Variants in COLEC11 observed in about 807,000 individuals in gnomAD.
COLEC11 encodes the protein collectin subfamily member 11.
COLEC11 carries 20 observed loss-of-function variants against 27.3 expected under a neutral mutation model. The ratio of observed to expected loss-of-function variants is 0.73; its 90% CI spans 0.51 to 1.06. The LOEUF (loss-of-function observed/expected upper bound fraction) is 1.06. COLEC11 is among the 50% of genes least tolerant of loss of function. The probability of loss-of-function intolerance (pLI) is 0.00; values close to 1 mark genes in which losing one functional copy is unlikely to be tolerated. For missense variants in COLEC11, 310 were observed against 383.0 expected (o/e 0.81, Z 1.59); for synonymous variants, 163 against 154.7 (o/e 1.05, Z -0.40).
intron 2 of COLEC11, among the ~76,000 whole-genome samples, chr2:3,606,804 A>C (rs868324076): frequency 2.0e-5 from 3 of 152,226 alleles, no homozygotes; most frequent in African/African-American, 7.2e-5. Context: ...GGTGTGTGCC[A>C]GCAGACTTCA....
chr2:3,632,889 A>T (rs1205669135), intron 3 of COLEC11, among the ~76,000 whole-genome samples: 1 of 77,614 alleles, frequency 1.3e-5, no homozygotes, highest in Non-Finnish European at 2.5e-5. Flanking sequence ...CCTTCCCATG[A>T]AAAAGCACAA....
chr2:3,631,617 C>G (rs777370114), intron 3 of COLEC11, among the ~76,000 whole-genome samples: 7 of 152,150 alleles, frequency 4.6e-5, no homozygotes, highest in Non-Finnish European at 8.8e-5. Flanking sequence ...CCACCTGTAG[C>G]CACCCTAACT....
intron 3 of COLEC11, among the ~76,000 whole-genome samples, chr2:3,616,087 C>T (rs886874038): frequency 1.3e-5 from 2 of 150,746 alleles, no homozygotes; most frequent in African/African-American, 2.5e-5. Context: ...GACGGGGTGG[C>T]GGTCGGGCAG....
At chr2:3,598,607 G>A (rs918257589) in intron 1 of COLEC11, among the ~76,000 whole-genome samples, 1 of 152,202 alleles carries the variant, frequency 6.6e-6, no homozygotes, top group Non-Finnish European at 1.5e-5. Flanking sequence ...CTGGGTTTCC[G>A]CTTTTCGGTT....
chr2:3,613,591 T>C (rs11123651), intron 3 of COLEC11, among the ~76,000 whole-genome samples: 106,997 of 152,064 alleles, frequency 0.7, 38,034 homozygotes, highest in South Asian at 0.88. Context: ...CCTGTGGGGC[T>C]CTAGGAAAGA....
intron 3 of COLEC11, among the ~76,000 whole-genome samples, chr2:3,625,419 C>T (rs964658586): frequency 5.9e-5 from 9 of 151,714 alleles, no homozygotes; most frequent in African/African-American, 1.4e-4. Context: ...CAGCCCAGGG[C>T]GGGGGTTAGG....
intron 1 of COLEC11, 73 bp from the exon 2 acceptor site, chr2:3,604,242 C>T (rs1054688171): frequency 3.5e-5 from 54 of 1,563,780 alleles, no homozygotes; most frequent in South Asian, 9.0e-5. Context: ...CCCTTGCCTC[C>T]GAGGCCTGCT....
chr2:3,611,873 C>T (rs1336955044), intron 2 of COLEC11, among the ~76,000 whole-genome samples: 2 of 152,106 alleles, frequency 1.3e-5, no homozygotes, highest in Non-Finnish European at 2.9e-5. Context: ...GTGTGGGCCA[C>T]AACGTGTGTG....
At chr2:3,641,661 C>G (rs1665880989) in intron 5 of COLEC11, among the ~76,000 whole-genome samples, 1 of 152,096 alleles carries the variant, frequency 6.6e-6, no homozygotes, top group Non-Finnish European at 1.5e-5. Context: ...AAGAAAACCC[C>G]CAAAACCAAG....
In COLEC11 at chr2:3,604,363, TG is replaced by T. The variant is rs746214692; in HGVS notation, c.26del (p.Gly9AlafsTer3). On this transcript the variant is annotated frameshift_variant, in exon 2 of 7. Coordinates refer to ENST00000349077, the MANE Select transcript of COLEC11 (RefSeq NM_024027.5). LOFTEE classifies it high-confidence loss of function. MRGNLAL[V>X]GVLISLAFLS... ...AGGATGAGGGGGAATCTGGCCCTGG[TG>T]GGCGTTCTAATCAGCCTGGCCTTCC... is the stretch of plus-strand genomic sequence containing the variant. 1 of 1,614,256 alleles carries T rather than the reference TG, an allele frequency of 6.2e-7. No homozygotes were observed. The highest frequency in any genetic ancestry group is 1.7e-5 in the Admixed American group (1 of 60,030).
intron 3 of COLEC11, among the ~76,000 whole-genome samples, chr2:3,613,980 CTTTT>C (rs57071680): frequency 7.6e-6 from 1 of 131,132 alleles, no homozygotes; most frequent in Non-Finnish European, 1.6e-5. Flanking sequence ...TTCTTTCTTT[CTTTT>C]TTTTTTTTTT....
At chr2:3,618,904 A>G (rs555906282) in intron 3 of COLEC11, among the ~76,000 whole-genome samples, 4 of 152,288 alleles carry the variant, frequency 2.6e-5, no homozygotes, top group East Asian at 1.9e-4. Context: ...TTATTCCTAA[A>G]TATGTCATTC....
intron 2 of COLEC11, among the ~76,000 whole-genome samples, chr2:3,612,365 G>T (rs1663274907): frequency 1.3e-5 from 2 of 152,144 alleles, no homozygotes; most frequent in African/African-American, 4.8e-5. Context: ...ACAGAGCCGA[G>T]TCCCAGCCAG....
chr2:3,637,484 A>T, intron 3 of COLEC11, 49 bp from the exon 4 acceptor site: 1 of 1,469,190 alleles, frequency 6.8e-7, no homozygotes, highest in Non-Finnish European at 9.5e-7. Flanking sequence ...GGAGGAGGCC[A>T]CGGTGTCACC....
At chr2:3,598,665 G>A (rs891786376) in intron 1 of COLEC11, among the ~76,000 whole-genome samples, 3 of 152,148 alleles carry the variant, frequency 2.0e-5, no homozygotes, top group Non-Finnish European at 2.9e-5. Flanking sequence ...GAAGGGTGTG[G>A]GCACAGGCAG....
rs146206301 is a variant in COLEC11 at position 3,604,293 on chromosome 2, GT to G, written c.-26-19del. 5.6e-4 allele frequency: 896 copies of G among 1,613,852 alleles called. 9 individuals are homozygous for G. In the African/African-American group the frequency reaches 0.011, roughly 19 times the overall value. ...CCCGGCTGTTGCAGTTCCCATCACT[GT>G]TTATTCCTTCCTCTGTGTAGGAGTT... On this transcript the variant is annotated intron_variant, in intron 1 of 6. Transcript: ENST00000349077.
intron 1 of COLEC11, chr2:3,603,891 G>A (rs1033009294): frequency 2.9e-5 from 17 of 589,496 alleles, no homozygotes; most frequent in South Asian, 1.1e-4. Context: ...CTCCTCAGGC[G>A]CCTTGGCTGT....
chr2:3,613,016 G>A (rs17017749), intron 2 of COLEC11, among the ~76,000 whole-genome samples: 3,607 of 152,240 alleles, frequency 0.024, 150 homozygotes, highest in African/African-American at 0.08. Context: ...TTTAGACGCG[G>A]CACTGTGCAC....
intron 2 of COLEC11, among the ~76,000 whole-genome samples, chr2:3,608,102 T>A (rs941131418): frequency 1.3e-5 from 2 of 152,234 alleles, no homozygotes; most frequent in African/African-American, 4.8e-5. Flanking sequence ...AGGTTCTCAA[T>A]AAAATAACTG....
Sources: allele counts gnomAD v4.1 joint callset (sites outside exome capture counted in the v4.1 genomes callset), GRCh38; gene constraint gnomAD v4.1.1; transcripts MANE v1.5; gene names NCBI Gene and HGNC (gene_info 2026-07-23, HGNC 2026-07-21).